UNC5B: variants seen among roughly 807,000 people sequenced by gnomAD.
UNC5B encodes the protein unc-5 netrin receptor B.
In UNC5B, 56 loss-of-function variants were observed where a neutral mutation model predicts 103.7. The observed-to-expected ratio is 0.54, with a 90% CI of 0.44 to 0.67. The LOEUF (loss-of-function observed/expected upper bound fraction) is 0.67, where lower values mean the gene tolerates loss of function less well. Ranked by LOEUF, UNC5B falls within the 30% of genes least tolerant of loss-of-function variation. The pLI is 0.00. For missense variants in UNC5B, 1,194 were observed against 1,284.5 expected, an observed-to-expected ratio of 0.93 and a Z score of 1.08; for synonymous variants, 577 against 542.0, an observed-to-expected ratio of 1.06 and a Z score of -0.90.
In UNC5B at chr10:71,292,564, G is replaced by A. The variant is rs201344340; in HGVS notation, c.1772+10G>A. 1.3e-5 allele frequency: 21 copies of A among 1,588,880 alleles called. No homozygotes were observed. The East Asian group carries it at 2.3e-4, about 17-fold the overall frequency. On this transcript the variant is annotated intron_variant, in intron 11 of 16. Coordinates refer to ENST00000335350, the MANE Select transcript of UNC5B (RefSeq NM_170744.5). ...AGGCAGAAAGTACCCTGTGAGTAGA[G>A]CCCCAGCCGCTGCTCCTTTTTCTTC...
At chr10:71,264,073 A>G (rs1194773645) in intron 1 of UNC5B, among the ~76,000 whole-genome samples, 1 of 152,214 alleles carries the variant, frequency 6.6e-6, no homozygotes, top group Admixed American at 6.5e-5. Context: ...AGCAGTCAGA[A>G]TGGGCATCCC....
At chr10:71,259,585 A>G (rs1222623557) in intron 1 of UNC5B, among the ~76,000 whole-genome samples, 2 of 152,182 alleles carry the variant, frequency 1.3e-5, no homozygotes, top group Non-Finnish European at 2.9e-5. Context: ...GGAGGACTTC[A>G]GCCTACACAA....
intron 1 of UNC5B, among the ~76,000 whole-genome samples, chr10:71,224,877 C>T (rs1158248606): frequency 6.6e-6 from 1 of 152,196 alleles, no homozygotes; most frequent in Non-Finnish European, 1.5e-5. Flanking sequence ...GCATATTAGA[C>T]ATAAGGTACA....
chr10:71,236,559 C>G (rs964827897), intron 1 of UNC5B, among the ~76,000 whole-genome samples: 5 of 152,154 alleles, frequency 3.3e-5, no homozygotes, highest in Non-Finnish European at 7.4e-5. Flanking sequence ...TTTAGAAAGT[C>G]GTAAAGCGTT....
At chr10:71,290,116 T>A (rs1376371701) in intron 8 of UNC5B, among the ~76,000 whole-genome samples, 2 of 152,246 alleles carry the variant, frequency 1.3e-5, no homozygotes, top group Non-Finnish European at 2.9e-5. Context: ...AATAAATTTT[T>A]AAATTCAGTT....
chr10:71,228,492 G>A (rs1843616746), intron 1 of UNC5B, among the ~76,000 whole-genome samples: 1 of 152,078 alleles, frequency 6.6e-6, no homozygotes, highest in Non-Finnish European at 1.5e-5. Context: ...TGATATTTAT[G>A]GTATATAAAG....
chr10:71,235,872 C>A (rs1317727716), intron 1 of UNC5B, among the ~76,000 whole-genome samples: 1 of 152,234 alleles, frequency 6.6e-6, no homozygotes, highest in African/African-American at 2.4e-5. Context: ...GACAGAGGGA[C>A]CCATGTGGAA....
intron 1 of UNC5B, among the ~76,000 whole-genome samples, chr10:71,263,193 A>G (rs891945224): frequency 1.3e-4 from 20 of 152,218 alleles, no homozygotes; most frequent in Admixed American, 1.2e-3. Flanking sequence ...TGCATGTCAT[A>G]CAAAGAGCAC....
intron 1 of UNC5B, among the ~76,000 whole-genome samples, chr10:71,268,661 G>A (rs1052789840): frequency 7.2e-5 from 11 of 152,338 alleles, no homozygotes; most frequent in East Asian, 5.8e-4. Context: ...AGGGTTGTTC[G>A]GTTCTAGAGC....
chr10:71,286,546 G>C lies in UNC5B; in HGVS notation c.553-143G>C, dbSNP rs1190765120. On this transcript the variant is annotated intron_variant, in intron 4 of 16. Transcript: ENST00000335350. ...AAATGGTGCTCTTAACCCCAGAGCT[G>C]TACAGTGTCCAGTGCTATAGTCCCA... The C allele has an allele frequency of 4.5e-5, 49 of 1,082,080 alleles. 1 individual carries two copies. The South Asian group carries it at 7.0e-4, about 15-fold the overall frequency. The allele number at this position is 1,082,080 out of a possible 1,614,324, so 67.0% of individuals were successfully genotyped here.
chr10:71,220,277 A>G (rs1300451735), intron 1 of UNC5B, among the ~76,000 whole-genome samples: 1 of 152,180 alleles, frequency 6.6e-6, no homozygotes, highest in Non-Finnish European at 1.5e-5. Flanking sequence ...TAGGGATCAT[A>G]TTGGGGGTGG....
chr10:71,245,446 C>T (rs1006981597), intron 1 of UNC5B, among the ~76,000 whole-genome samples: 1 of 152,176 alleles, frequency 6.6e-6, no homozygotes, highest in Non-Finnish European at 1.5e-5. Context: ...TTAGCAGAAT[C>T]CCAGTAGGGC....
At chr10:71,295,252 A>G (rs1345237526) in intron 13 of UNC5B, among the ~76,000 whole-genome samples, 1 of 152,176 alleles carries the variant, frequency 6.6e-6, no homozygotes, top group East Asian at 1.9e-4. Flanking sequence ...GGCGTTGGCT[A>G]ATGGCCAGCT....
At chr10:71,261,672 G>A (rs1365012609) in intron 1 of UNC5B, among the ~76,000 whole-genome samples, 2 of 152,198 alleles carry the variant, frequency 1.3e-5, no homozygotes, top group Non-Finnish European at 2.9e-5. Flanking sequence ...CCAGTGCAGT[G>A]AGGAGTGCAA....
intron 1 of UNC5B, among the ~76,000 whole-genome samples, chr10:71,266,956 G>A (rs932890094): frequency 1.3e-5 from 2 of 152,026 alleles, no homozygotes; most frequent in African/African-American, 4.8e-5. Context: ...TGTCCACACT[G>A]TATACACCAT....
At chr10:71,274,928 C>T (rs1464247295) in intron 1 of UNC5B, among the ~76,000 whole-genome samples, 1 of 152,152 alleles carries the variant, frequency 6.6e-6, no homozygotes, top group East Asian at 1.9e-4. Context: ...AACAGATTCC[C>T]CATAAGGGAT....
rs367619055 is a variant in UNC5B at position 71,219,644 on chromosome 10, C to T, written c.79+6580C>T. 1.1e-4 allele frequency among the ~76,000 whole-genome samples: 17 copies of T among 152,274 alleles called. No homozygotes were observed. The East Asian group carries it at 3.1e-3, about 28-fold the overall frequency. ...CCAGGATCAATACTTTGCATCCTTC[C>T]ATCCAATCAAGTTGACACTCAGTAT... is the stretch of plus-strand genomic sequence containing the variant. On this transcript the variant is annotated intron_variant, in intron 1 of 16. Transcript: ENST00000335350.
At chr10:71,262,258 A>T (rs1281914623) in intron 1 of UNC5B, among the ~76,000 whole-genome samples, 1 of 151,952 alleles carries the variant, frequency 6.6e-6, no homozygotes, top group Non-Finnish European at 1.5e-5. Context: ...ACACCCCCTC[A>T]TTACCGGAGC....
At chr10:71,266,449 G>T (rs373952388) in intron 1 of UNC5B, among the ~76,000 whole-genome samples, 1 of 152,152 alleles carries the variant, frequency 6.6e-6, no homozygotes, top group African/African-American at 2.4e-5. Context: ...CATGGGGAGC[G>T]GGCCGAGCCC....
Sources: gnomAD v4.1 joint callset for allele counts (sites outside exome capture counted in the v4.1 genomes callset) on GRCh38, gnomAD v4.1.1 for gene constraint, MANE v1.5 for transcripts, NCBI Gene and HGNC (gene_info 2026-07-23, HGNC 2026-07-21) for gene names.